IFI44L: variants seen among roughly 807,000 people sequenced by gnomAD.
IFI44L encodes interferon induced protein 44 like.
A neutral mutation model predicts 39.3 loss-of-function variants in IFI44L; 40 were observed. That is an observed-to-expected ratio of 1.02 (90% CI 0.79 to 1.33). IFI44L has a LOEUF of 1.33. Among genes scored for constraint, IFI44L ranks in the 40% most tolerant of loss-of-function variants. The pLI is 0.00. For synonymous variants in IFI44L, 198 were observed against 182.3 expected, an observed-to-expected ratio of 1.09 and a Z score of -0.69; for missense variants, 623 against 549.0, an observed-to-expected ratio of 1.13 and a Z score of -1.35.
Position 78,629,008 on chromosome 1 carries a change from G to C in IFI44L, c.527+9G>C. On this transcript the variant is annotated intron_variant, in intron 3 of 8. Transcript: ENST00000370751. ...ATAATTAAAGCCAGAGAGTAAGTTG[G>C]ATTCTTGGGCTATCTATTAATCATT... 6.4e-7 allele frequency: 1 copy of C among 1,556,754 alleles called. No homozygotes were observed. Among genetic ancestry groups the C allele is most frequent in the Non-Finnish European group, 8.9e-7 (1 of 1,128,582 alleles).
rs79026935 is a variant in IFI44L at position 78,634,131 on chromosome 1, A to G, written c.724-1206A>G. 6.6e-3 allele frequency among the ~76,000 whole-genome samples: 998 copies of G among 152,262 alleles called. 11 individuals carry two copies. The highest frequency in any genetic ancestry group is 0.023 in the African/African-American group (969 of 41,566). On this transcript the variant is annotated intron_variant, in intron 4 of 8. Coordinates refer to ENST00000370751, the MANE Select transcript of IFI44L (RefSeq NM_006820.4). ...TTACAAGGGGGAAAGGAGACAAGAA[A>G]TTAAAAGTAATAGAAATCTTAAGTA... is the stretch of plus-strand genomic sequence containing the variant.
chr1:78,625,205 C>T (rs570644061), intron 1 of IFI44L, among the ~76,000 whole-genome samples: 2 of 152,008 alleles, frequency 1.3e-5, no homozygotes, highest in East Asian at 3.9e-4. Flanking sequence ...TCTGGAAGAA[C>T]ATGTGTAAGA....
chr1:78,627,817 A>G (rs566244174), intron 1 of IFI44L, 89 bp from the exon 2 acceptor site: 2 of 659,886 alleles, frequency 3.0e-6, no homozygotes, highest in Non-Finnish European at 4.5e-6. Flanking sequence ...GTCAGTGAAT[A>G]AAGAACTCAC....
intron 2 of IFI44L, 190 bp from the exon 3 acceptor site, chr1:78,628,761 A>T: frequency 1.8e-6 from 1 of 567,116 alleles, no homozygotes; most frequent in South Asian, 2.4e-5. Flanking sequence ...GAGAGCTTCC[A>T]GAGCAAGTTA....
At position 78,641,206 on chromosome 1, in the gene IFI44L, T is replaced by G. The variant is rs145429488; in HGVS notation, c.1149+85T>G. ...GTGTTTGTGTGTGTCTGTACGTGTA[T>G]ATGTGCTTACAGAGTGTATTTGCAG... On this transcript the variant is annotated intron_variant, in intron 7 of 8. Transcript: ENST00000370751. 1,678 of 1,025,366 alleles carry G rather than the reference T, an allele frequency of 1.6e-3. 32 individuals carry two copies. In the African/African-American group the frequency reaches 0.024, roughly 15 times the overall value. 63.5% of individuals were successfully genotyped at this position (1,025,366 alleles called of 1,614,324 possible).
Position 78,635,475 on chromosome 1 carries a change from C to T in IFI44L, c.862C>T (p.Pro288Ser). The T allele has an allele frequency of 1.2e-6, 2 of 1,612,094 alleles. No homozygotes were observed. The highest frequency in any genetic ancestry group is 1.7e-6 in the Non-Finnish European group (2 of 1,179,180). ...DIPHILKGCM[P>S]DRYQFNSRKP... Reference sequence around the variant, plus strand: ...TCCCCACATCTTAAAAGGTTGTATGCCAGACAGATATCAGGTAAGATTTCT... The same window carrying T: ...TCCCCACATCTTAAAAGGTTGTATGTCAGACAGATATCAGGTAAGATTTCT... The change falls in exon 5 of 9, where the codon CCA (proline) becomes TCA (serine). Residue 288 changes from proline (P) to serine (S), a missense_variant. By Grantham distance (74) the Pro-to-Ser change is moderately conservative. Transcript: ENST00000370751.
chr1:78,638,358 T>C (rs1348167659), intron 6 of IFI44L, among the ~76,000 whole-genome samples: 1 of 152,120 alleles, frequency 6.6e-6, no homozygotes, highest in Admixed American at 6.6e-5. Context: ...AGATACATTG[T>C]TTGCGGATAG....
intron 3 of IFI44L, 159 bp from the exon 4 acceptor site, chr1:78,629,561 A>G (rs769710348): frequency 2.0e-6 from 1 of 489,696 alleles, no homozygotes; most frequent in Non-Finnish European, 3.5e-6. Context: ...AGATATTTCA[A>G]ATCATATTAT....
chr1:78,623,424 TTTA>T (rs1333333287), intron 1 of IFI44L, among the ~76,000 whole-genome samples: 25 of 125,688 alleles, frequency 2.0e-4, no homozygotes, highest in Non-Finnish European at 3.1e-4. Context: ...TTTTTTTTTT[TTTA>T]AATCATGGAA....
chr1:78,621,243 T>C (rs1652262756), intron 1 of IFI44L, among the ~76,000 whole-genome samples: 2 of 152,298 alleles, frequency 1.3e-5, no homozygotes, highest in Middle Eastern at 3.4e-3. Context: ...GCATTACAAA[T>C]AAAGTTGAAG....
chr1:78,630,525 T>G (rs573054441), intron 4 of IFI44L, among the ~76,000 whole-genome samples: 55 of 152,304 alleles, frequency 3.6e-4, no homozygotes, highest in African/African-American at 1.3e-3. Flanking sequence ...CTTTCTTGTT[T>G]ATGCTTTTCA....
chr1:78,633,716 G>A lies in IFI44L; in HGVS notation c.724-1621G>A, dbSNP rs187272778. Among the ~76,000 whole-genome samples, 164 of 152,200 alleles carry A rather than the reference G, an allele frequency of 1.1e-3. 2 individuals are homozygous for A. The highest frequency in any genetic ancestry group is 3.7e-3 in the African/African-American group (154 of 41,528). ...GACGTCAGTAAAGAGAGAAAATAACGTGCCAGTGGCCAATCCTAAAGAAAT... is the reference window on the plus strand; with the variant it reads ...GACGTCAGTAAAGAGAGAAAATAACATGCCAGTGGCCAATCCTAAAGAAAT... On this transcript the variant is annotated intron_variant, in intron 4 of 8. Transcript: ENST00000370751.
Position 78,642,504 on chromosome 1 carries a change from G to A in IFI44L, c.*695G>A, listed in dbSNP as rs1646999443. 1 of 151,924 alleles carries A rather than the reference G, an allele frequency of 6.6e-6. No homozygotes were observed. The highest frequency in any genetic ancestry group is 2.1e-4 in the South Asian group (1 of 4,824). 9.4% of individuals were successfully genotyped at this position (151,924 alleles called of 1,614,324 possible). The stretch of plus-strand genomic sequence containing the variant: ...TGATTGATTGAGCCTTGGAGGTGGA[G>A]GCTACAGTGAGCTGAGATTGTGCCA... On this transcript the variant is annotated 3_prime_UTR_variant, in exon 9 of 9. Coordinates refer to ENST00000370751, the MANE Select transcript of IFI44L (RefSeq NM_006820.4).
At chr1:78,641,724 G>A in intron 8 of IFI44L, 51 bp from the exon 9 acceptor site, 1 of 1,610,736 alleles carries the variant, frequency 6.2e-7, no homozygotes, top group Non-Finnish European at 8.5e-7. Flanking sequence ...AGTCCTGAAA[G>A]CTACATTAGG....
intron 3 of IFI44L, 50 bp downstream of exon 3, chr1:78,629,049 G>A: frequency 8.9e-7 from 1 of 1,125,342 alleles, no homozygotes; most frequent in Non-Finnish European, 1.3e-6. Context: ...TAGACCAATT[G>A]TATAAAGAAT....
At chr1:78,626,518 T>A (rs959863519) in intron 1 of IFI44L, 1 of 152,054 alleles carries the variant, frequency 6.6e-6, no homozygotes, top group African/African-American at 2.4e-5. Context: ...GGAAGAATGT[T>A]CTTTTCATCC....
At chr1:78,622,167 A>G (rs1038172265) in intron 1 of IFI44L, among the ~76,000 whole-genome samples, 1 of 152,228 alleles carries the variant, frequency 6.6e-6, no homozygotes, top group Non-Finnish European at 1.5e-5. Flanking sequence ...AGCTGATCTA[A>G]AATGATGAGT....
intron 2 of IFI44L, 140 bp downstream of exon 2, chr1:78,628,533 G>T: frequency 1.6e-6 from 1 of 628,282 alleles, no homozygotes; most frequent in Non-Finnish European, 2.8e-6. Flanking sequence ...ATTCTGAAAT[G>T]AAACGTGGGG....
chr1:78,635,274 A>G lies in IFI44L; in HGVS notation c.724-63A>G, dbSNP rs1475245754. Reference sequence around the variant, plus strand: ...ATATTAACCAATCTCTTTTCTTCTTATTGTCATGTCTTGAATGCTGGGTGA... The same window carrying G: ...ATATTAACCAATCTCTTTTCTTCTTGTTGTCATGTCTTGAATGCTGGGTGA... On this transcript the variant is annotated intron_variant, in intron 4 of 8. Transcript: ENST00000370751. 8.4e-6 allele frequency: 11 copies of G among 1,305,332 alleles called. No homozygotes were observed. The African/African-American group carries it at 1.0e-4, about 12-fold the overall frequency. 80.9% of individuals were successfully genotyped at this position (1,305,332 alleles called of 1,614,324 possible).
Sources: gnomAD v4.1 joint callset for allele counts (sites outside exome capture counted in the v4.1 genomes callset) on GRCh38, gnomAD v4.1.1 for gene constraint, MANE v1.5 for transcripts, NCBI Gene and HGNC (gene_info 2026-07-23, HGNC 2026-07-21) for gene names.